The following POMGNT1 variants were observed in gnomAD, a reference collection of about 807,000 sequenced individuals.
POMGNT1 encodes protein O-linked-mannose beta-1,2-N-acetylglucosaminyltransferase 1.
A neutral mutation model predicts 95.6 loss-of-function variants in POMGNT1; 67 were observed. That is an observed-to-expected ratio of 0.70 (90% CI 0.58 to 0.86). The LOEUF is 0.86. Among genes scored for constraint, POMGNT1 ranks in the 40% least tolerant of loss-of-function variants. The pLI is 0.00. For synonymous variants in POMGNT1, 298 were observed against 317.9 expected (o/e 0.94, Z 0.66); for missense variants, 719 against 855.2 (o/e 0.84, Z 1.99).
chr1:46,193,740 G>A, intron 10 of POMGNT1, 101 bp from the exon 11 acceptor site: 1 of 1,598,860 alleles, frequency 6.3e-7, no homozygotes, highest in African/African-American at 1.3e-5. Flanking sequence ...TACCCACAGA[G>A]GTGAATGCGT....
intron 1 of POMGNT1, among the ~76,000 whole-genome samples, chr1:46,218,377 C>T (rs193156789): frequency 2.6e-5 from 4 of 152,232 alleles, no homozygotes; most frequent in African/African-American, 7.2e-5. Context: ...CAGAACAAGA[C>T]CCTGTCTCAA....
At chr1:46,218,757 A>C (rs1488328116) in intron 1 of POMGNT1, among the ~76,000 whole-genome samples, 1 of 151,858 alleles carries the variant, frequency 6.6e-6, no homozygotes, top group Non-Finnish European at 1.5e-5. Flanking sequence ...AGACAGGTAG[A>C]CTGGTGTGTA....
intron 1 of POMGNT1, among the ~76,000 whole-genome samples, chr1:46,205,472 G>A (rs2148236367): frequency 6.6e-6 from 1 of 152,266 alleles, no homozygotes; most frequent in Middle Eastern, 3.4e-3. Context: ...TTATGTCATT[G>A]AAATGAGAAA....
chr1:46,199,398 ACAT>A (rs1469704110), upstream of POMGNT1, among the ~76,000 whole-genome samples: 4 of 152,364 alleles, frequency 2.6e-5, no homozygotes, highest in South Asian at 2.1e-4. Context: ...GGTTTAAATA[ACAT>A]CATACATAGA....
chr1:46,190,686 G>T (rs1157604951), intron 18 of POMGNT1, 34 bp downstream of exon 18: 1 of 1,588,468 alleles, frequency 6.3e-7, no homozygotes, highest in South Asian at 1.1e-5. Flanking sequence ...AAATCTCCTA[G>T]ATATCCACCC....
Position 46,193,163 on chromosome 1 carries a change from T to C in POMGNT1, c.1152+11A>G. The C allele has an allele frequency of 6.2e-7, 1 of 1,614,122 alleles. No individual in the cohort carries two copies. The highest frequency in any genetic ancestry group is 8.5e-7 in the Non-Finnish European group (1 of 1,180,018). ...CCTCCCAGGCCCAAGAGTTGTATCC[T>C]TAGTACTCACCGGAAACAGGTTGAA... On this transcript the variant is annotated intron_variant, in intron 13 of 21. Coordinates refer to ENST00000371984, the MANE Select transcript of POMGNT1 (RefSeq NM_017739.4).
At chr1:46,213,505 G>A (rs943758807) in intron 1 of POMGNT1, among the ~76,000 whole-genome samples, 1 of 151,914 alleles carries the variant, frequency 6.6e-6, no homozygotes, top group Non-Finnish European at 1.5e-5. Flanking sequence ...GAATAGAACA[G>A]AAGGTCTCTA....
intron 1 of POMGNT1, among the ~76,000 whole-genome samples, chr1:46,206,388 C>CCTA (rs796925089): frequency 1.9e-4 from 29 of 152,088 alleles, no homozygotes; most frequent in African/African-American, 7.0e-4. Context: ...AGGCTTTTAC[C>CCTA]CTAGGGCCTG....
intron 1 of POMGNT1, among the ~76,000 whole-genome samples, chr1:46,217,240 T>C (rs1379465853): frequency 6.6e-6 from 1 of 152,116 alleles, no homozygotes; most frequent in African/African-American, 2.4e-5. Context: ...GAGGGCTCCT[T>C]AAGAGATGCC....
chr1:46,189,132 GT>G lies in POMGNT1; in HGVS notation c.*137del. 1 of 1,492,078 alleles carries G rather than the reference GT, an allele frequency of 6.7e-7. No individual in the cohort carries two copies. The highest frequency in any genetic ancestry group is 1.4e-5 in the South Asian group (1 of 72,144). 92.4% of individuals were successfully genotyped at this position (1,492,078 alleles called of 1,614,324 possible). A position where few individuals can be genotyped will look rare whatever the true frequency, so the allele number is the denominator to read the frequency against. ...GGAGCAGGGGAACCCTCCCCTTGGA[GT>G]TAGTAATTAAGTCTCATGTTAAAAA... On this transcript the variant is annotated 3_prime_UTR_variant, in exon 22 of 22. Coordinates refer to ENST00000371984, the MANE Select transcript of POMGNT1 (RefSeq NM_017739.4).
exon 1 of POMGNT1, chr1:46,219,897 A>C (rs1479910046): frequency 6.2e-7 from 1 of 1,614,002 alleles, no homozygotes. Flanking sequence ...CCTGCCAGAC[A>C]CCAGCACCAC....
chr1:46,217,893 T>TA (rs538819426), intron 1 of POMGNT1, among the ~76,000 whole-genome samples: 230 of 152,204 alleles, frequency 1.5e-3, no homozygotes, highest in African/African-American at 5.3e-3. Flanking sequence ...CCTAATCTTA[T>TA]ATAGTGTGGG....
At position 46,194,217 on chromosome 1, in the gene POMGNT1, G is replaced by C. The variant is rs544508879; in HGVS notation, c.879+57C>G. On this transcript the variant is annotated intron_variant, in intron 9 of 21. Transcript: ENST00000371984. ...AAGCCCAACCTAGATCATTCCTGGG[G>C]CCCCCCTGCTGAGCTGGGAAGGAGT... is the stretch of plus-strand genomic sequence containing the variant. 145 of 1,613,710 alleles carry C rather than the reference G, an allele frequency of 9.0e-5. No homozygotes were observed. In the African/African-American group the frequency reaches 1.5e-3, roughly 17 times the overall value.
intron 6 of POMGNT1, among the ~76,000 whole-genome samples, chr1:46,195,293 T>G (rs1442475756): frequency 3.3e-5 from 5 of 152,204 alleles, no homozygotes; most frequent in Non-Finnish European, 7.3e-5. Context: ...AAATATGCCG[T>G]GTACCTTCCC....
intron 14 of POMGNT1, 43 bp downstream of exon 14, chr1:46,192,857 G>A: frequency 6.2e-7 from 1 of 1,611,810 alleles, no homozygotes; most frequent in Non-Finnish European, 8.5e-7. Flanking sequence ...CTCTTTCCCT[G>A]CAGACTGAGG....
In POMGNT1 at chr1:46,193,915, T is replaced by C. The variant is rs1301045537; in HGVS notation, c.890A>G (p.Asn297Ser). The part of the protein sequence containing the change: ...IEFSPDPLPD[N>S]KVLNVPVAVI... The stretch of plus-strand genomic sequence containing the variant: ...AGCCACAGGCACATTGAGGACCTTG[T>C]TGTCTGGGAGCTGTGGGAGAAATAG... The change falls in exon 10 of 22, where the codon AAC becomes AGC. Residue 297 changes from asparagine (N) to serine (S), a missense_variant. This residue lies in a region of POMGNT1 where 466 missense variants were observed against 517.4 expected (regional missense o/e 0.90). Coordinates refer to ENST00000371984, the MANE Select transcript of POMGNT1 (RefSeq NM_017739.4). The C allele has an allele frequency of 3.1e-6, 5 of 1,614,030 alleles. No homozygotes were observed. The African/African-American group carries it at 6.7e-5, about 22-fold the overall frequency.
upstream of POMGNT1, among the ~76,000 whole-genome samples, chr1:46,201,653 G>A (rs536979359): frequency 1.4e-5 from 2 of 147,304 alleles, no homozygotes; most frequent in Non-Finnish European, 1.5e-5. Context: ...AGTCAAGATC[G>A]TGCCACTGCA....
At chr1:46,214,438 C>T (rs12126187) in intron 1 of POMGNT1, among the ~76,000 whole-genome samples, 1 of 151,660 alleles carries the variant, frequency 6.6e-6, no homozygotes, top group Non-Finnish European at 1.5e-5. Context: ...TTAAGCATAT[C>T]CTTAAAGAGA....
chr1:46,213,524 G>C (rs921039287), intron 1 of POMGNT1, among the ~76,000 whole-genome samples: 2 of 151,778 alleles, frequency 1.3e-5, no homozygotes, highest in Admixed American at 6.6e-5. Context: ...TAGATTAAAA[G>C]ACACTGAGCA....
Sources: gnomAD v4.1 joint callset for allele counts (sites outside exome capture counted in the v4.1 genomes callset) on GRCh38, gnomAD v4.1.1 for gene constraint, gnomAD v4.1.1 regional missense constraint, MANE v1.5 for transcripts, NCBI Gene and HGNC (gene_info 2026-07-23, HGNC 2026-07-21) for gene names.